The following KCNH1 variants were observed in gnomAD, a reference collection of about 807,000 sequenced individuals.
The protein encoded by KCNH1 is voltage-gated delayed rectifier potassium channel KCNH1.
In KCNH1, 27 loss-of-function variants were observed where a neutral mutation model predicts 69.2. The observed-to-expected ratio is 0.39, with a 90% confidence interval of 0.29 to 0.54. The LOEUF is 0.54. KCNH1 is among the 20% of genes least tolerant of loss of function. The probability of loss-of-function intolerance (pLI) is 0.68; values close to 1 mark genes in which losing one functional copy is unlikely to be tolerated. For missense variants in KCNH1, 798 were observed against 1,261.6 expected, an observed-to-expected ratio of 0.63 and a Z score of 5.57; for synonymous variants, 456 against 487.7, an observed-to-expected ratio of 0.93 and a Z score of 0.86.
chr1:210,986,860 A>G (rs1227795627), intron 6 of KCNH1, among the ~76,000 whole-genome samples: 3 of 152,184 alleles, frequency 2.0e-5, no homozygotes, highest in Non-Finnish European at 2.9e-5. Flanking sequence ...GTTCTCCTGG[A>G]TAATATCCTG....
intron 10 of KCNH1, among the ~76,000 whole-genome samples, chr1:210,699,638 T>C (rs1681725474): frequency 6.6e-6 from 1 of 152,216 alleles, no homozygotes; most frequent in South Asian, 2.1e-4. Flanking sequence ...TGTTCCTGTG[T>C]GCCTTCCTGT....
intron 6 of KCNH1, among the ~76,000 whole-genome samples, chr1:210,921,515 A>G (rs1687458985): frequency 6.6e-6 from 1 of 152,218 alleles, no homozygotes; most frequent in Non-Finnish European, 1.5e-5. Flanking sequence ...AGGAAAATGT[A>G]CACAAGCTTT....
intron 10 of KCNH1, among the ~76,000 whole-genome samples, chr1:210,708,810 G>A (rs1207158287): frequency 6.6e-6 from 1 of 152,128 alleles, no homozygotes; most frequent in Non-Finnish European, 1.5e-5. Context: ...AGTCTCTGTT[G>A]GGTTACTTTA....
intron 5 of KCNH1, among the ~76,000 whole-genome samples, chr1:211,042,437 T>C (rs1034453500): frequency 6.6e-6 from 1 of 152,112 alleles, no homozygotes; most frequent in Non-Finnish European, 1.5e-5. Context: ...CAAAAGTCAC[T>C]TGAATGAAGA....
chr1:210,878,462 A>G (rs1574312990), intron 7 of KCNH1, among the ~76,000 whole-genome samples: 1 of 152,156 alleles, frequency 6.6e-6, no homozygotes, highest in South Asian at 2.1e-4. Flanking sequence ...CAGATCACAC[A>G]ATAGAATTAA....
intron 7 of KCNH1, among the ~76,000 whole-genome samples, chr1:210,839,954 C>T (rs1685370291): frequency 6.6e-6 from 1 of 152,086 alleles, no homozygotes; most frequent in Non-Finnish European, 1.5e-5. Context: ...GGCCCAGGAC[C>T]AATAAGCAAG....
At chr1:211,020,448 C>G (rs1250095129) in intron 5 of KCNH1, among the ~76,000 whole-genome samples, 1 of 151,438 alleles carries the variant, frequency 6.6e-6, no homozygotes, top group Non-Finnish European at 1.5e-5. Context: ...ATAGAAAACT[C>G]TAACAGACCA....
At chr1:210,848,083 AAG>A (rs1482710442) in intron 7 of KCNH1, among the ~76,000 whole-genome samples, 1 of 152,202 alleles carries the variant, frequency 6.6e-6, no homozygotes, top group African/African-American at 2.4e-5. Flanking sequence ...AAGACTGTCA[AAG>A]AGAGTTATAG....
intron 6 of KCNH1, among the ~76,000 whole-genome samples, chr1:211,011,566 C>T (rs1689394660): frequency 6.6e-6 from 1 of 152,178 alleles, no homozygotes; most frequent in African/African-American, 2.4e-5. Context: ...GAATCTTCTA[C>T]AATGGTTGAA....
At chr1:210,833,939 C>A (rs1685224040) in intron 7 of KCNH1, among the ~76,000 whole-genome samples, 1 of 152,218 alleles carries the variant, frequency 6.6e-6, no homozygotes, top group Non-Finnish European at 1.5e-5. Flanking sequence ...AAAAAATGCT[C>A]ACCATCACTG....
At chr1:210,955,698 CTGTT>C (rs759420990) in intron 6 of KCNH1, among the ~76,000 whole-genome samples, 12 of 151,802 alleles carry the variant, frequency 7.9e-5, no homozygotes, top group Non-Finnish European at 1.0e-4. Context: ...ATTTGGCTCT[CTGTT>C]TGTCTGTTGT....
intron 5 of KCNH1, among the ~76,000 whole-genome samples, chr1:211,053,455 A>G (rs1339562788): frequency 3.9e-5 from 6 of 152,188 alleles, no homozygotes; most frequent in Admixed American, 3.9e-4. Flanking sequence ...GGAGGCCACA[A>G]GCTCCTGCTG....
intron 7 of KCNH1, among the ~76,000 whole-genome samples, chr1:210,848,348 A>G (rs1033116979): frequency 3.3e-5 from 5 of 152,210 alleles, no homozygotes; most frequent in African/African-American, 1.2e-4. Context: ...GGTTGGTCAC[A>G]TGGCTACTTT....
chr1:211,001,669 T>C (rs1427254690), intron 6 of KCNH1, among the ~76,000 whole-genome samples: 1 of 152,210 alleles, frequency 6.6e-6, no homozygotes, highest in Non-Finnish European at 1.5e-5. Flanking sequence ...ACTAGGTATA[T>C]ATCCAAAGGA....
At chr1:210,816,681 C>T (rs1393529059) in intron 7 of KCNH1, among the ~76,000 whole-genome samples, 1 of 152,102 alleles carries the variant, frequency 6.6e-6, no homozygotes, top group Non-Finnish European at 1.5e-5. Context: ...TTATTTTTCT[C>T]CAATATGAGT....
chr1:211,067,789 A>G (rs542614578), intron 5 of KCNH1, among the ~76,000 whole-genome samples: 32 of 152,328 alleles, frequency 2.1e-4, no homozygotes, highest in Non-Finnish European at 4.3e-4. Context: ...ATTGCCCCAA[A>G]TGAGAAACAG....
chr1:210,936,281 C>A (rs1687773340), intron 6 of KCNH1, among the ~76,000 whole-genome samples: 1 of 152,226 alleles, frequency 6.6e-6, no homozygotes. Flanking sequence ...ATGCTTCCCT[C>A]TGAGACCTCT....
chr1:211,052,758 A>G (rs1045333403), intron 5 of KCNH1, among the ~76,000 whole-genome samples: 1 of 152,218 alleles, frequency 6.6e-6, no homozygotes, highest in African/African-American at 2.4e-5. Flanking sequence ...CCTCAGCTCT[A>G]CTACAGCAGC....
rs149645189 is a variant in KCNH1, at chr1:210,863,244, T to C, written c.1462+56396A>G. Among the ~76,000 whole-genome samples, 9 of 152,284 alleles carry C rather than the reference T, an allele frequency of 5.9e-5. No individual in the cohort carries two copies. In the East Asian group the frequency reaches 1.5e-3, roughly 26 times the overall value. On this transcript the variant is annotated intron_variant, in intron 7 of 10. Transcript: ENST00000271751. ...CACATGCTTGTTACCCAGCAGAGTG[T>C]TGGGCACTAGGGGGTGGAGGAGGAT... is the stretch of plus-strand genomic sequence containing the variant.
Sources: gnomAD v4.1 joint callset for allele counts (sites outside exome capture counted in the v4.1 genomes callset) on GRCh38, gnomAD v4.1.1 for gene constraint, MANE v1.5 for transcripts, NCBI Gene and HGNC (gene_info 2026-07-23, HGNC 2026-07-21) for gene names.